L3MBTL4: variants seen among roughly 807,000 people sequenced by gnomAD.
The protein encoded by L3MBTL4 is L3MBTL histone methyl-lysine binding protein 4, also known as lethal(3)malignant brain tumor-like protein 4.
L3MBTL4 carries 70 observed loss-of-function variants against 84.5 expected under a neutral mutation model. The ratio of observed to expected loss-of-function variants is 0.83; its 90% CI spans 0.68 to 1.01. The LOEUF is 1.01. Among genes scored for constraint, L3MBTL4 ranks in the 50% least tolerant of loss-of-function variants. The pLI is 0.00. For missense variants in L3MBTL4, 715 were observed against 754.8 expected (o/e 0.95, Z 0.62); for synonymous variants, 274 against 259.8 (o/e 1.05, Z -0.52).
In L3MBTL4 at chr18:6,253,570, C is replaced by T. The variant is rs1186454089; in HGVS notation, c.220-8982G>A. Among the ~76,000 whole-genome samples, 7 of 152,304 alleles carry T rather than the reference C, an allele frequency of 4.6e-5. No individual in the cohort carries two copies. The East Asian group carries it at 1.4e-3, about 29-fold the overall frequency. ...TTTAAGGTGGTGCCCACATTTCAGGCTTGAAATAAATTGTCAAATTTTCCA... is the reference window on the plus strand; with the variant it reads ...TTTAAGGTGGTGCCCACATTTCAGGTTTGAAATAAATTGTCAAATTTTCCA... On this transcript the variant is annotated intron_variant, in intron 5 of 18. Transcript: ENST00000317931.
At chr18:6,101,692 T>C (rs2058835338) in intron 14 of L3MBTL4, among the ~76,000 whole-genome samples, 1 of 152,240 alleles carries the variant, frequency 6.6e-6, no homozygotes, top group Non-Finnish European at 1.5e-5. Flanking sequence ...GTGCTCTGAA[T>C]GGAGAGGACT....
chr18:6,232,824 T>C (rs1328974346), intron 10 of L3MBTL4, among the ~76,000 whole-genome samples: 1 of 152,158 alleles, frequency 6.6e-6, no homozygotes, highest in Non-Finnish European at 1.5e-5. Flanking sequence ...CCATACTCAG[T>C]AATCTAGTAA....
chr18:6,361,561 G>A (rs1307060007), intron 1 of L3MBTL4, among the ~76,000 whole-genome samples: 2 of 152,072 alleles, frequency 1.3e-5, no homozygotes, highest in Non-Finnish European at 2.9e-5. Context: ...AGGCTAGATT[G>A]TAACACACAG....
At chr18:6,187,097 G>A (rs1013154234) in intron 12 of L3MBTL4, among the ~76,000 whole-genome samples, 1 of 152,144 alleles carries the variant, frequency 6.6e-6, no homozygotes, top group Admixed American at 6.5e-5. Context: ...GATGATATGG[G>A]TAAAAACAGA....
chr18:6,357,506 G>A (rs1187191312), intron 1 of L3MBTL4, among the ~76,000 whole-genome samples: 1 of 152,042 alleles, frequency 6.6e-6, no homozygotes, highest in East Asian at 1.9e-4. Flanking sequence ...ATTCTATGTA[G>A]TAAATGTTTG....
chr18:6,209,402 C>T (rs2046004871), intron 12 of L3MBTL4, among the ~76,000 whole-genome samples: 1 of 147,612 alleles, frequency 6.8e-6, no homozygotes, highest in South Asian at 2.1e-4. Context: ...AATGATAATC[C>T]TGATTTCTTT....
At chr18:6,043,276 C>T (rs1431800582) in intron 16 of L3MBTL4, among the ~76,000 whole-genome samples, 5 of 152,218 alleles carry the variant, frequency 3.3e-5, no homozygotes, top group Admixed American at 2.6e-4. Flanking sequence ...GTGGATGCCT[C>T]ACCACTGTAT....
intron 3 of L3MBTL4, among the ~76,000 whole-genome samples, chr18:6,303,176 A>T (rs1033545176): frequency 6.6e-6 from 1 of 151,922 alleles, no homozygotes; most frequent in African/African-American, 2.4e-5. Context: ...CCCAGGCTGT[A>T]GTTCAGTGGC....
chr18:6,128,849 A>T (rs1424228715), intron 14 of L3MBTL4, among the ~76,000 whole-genome samples: 1 of 152,110 alleles, frequency 6.6e-6, no homozygotes, highest in African/African-American at 2.4e-5. Flanking sequence ...GTCTGGAGAG[A>T]AAGCAGTTCA....
chr18:6,167,105 C>T (rs2043706557), intron 13 of L3MBTL4, among the ~76,000 whole-genome samples: 1 of 152,190 alleles, frequency 6.6e-6, no homozygotes, highest in Non-Finnish European at 1.5e-5. Context: ...TGTACACATA[C>T]ACCCTCCCAA....
chr18:5,969,848 C>T (rs1300804602), intron 16 of L3MBTL4, among the ~76,000 whole-genome samples: 1 of 152,184 alleles, frequency 6.6e-6, no homozygotes, highest in African/African-American at 2.4e-5. Context: ...CAATGAAGGG[C>T]TCGCTTGTCA....
intron 16 of L3MBTL4, among the ~76,000 whole-genome samples, chr18:6,047,376 G>A (rs1047105285): frequency 3.3e-5 from 5 of 152,130 alleles, no homozygotes; most frequent in African/African-American, 1.2e-4. Context: ...GAGGAGGAGA[G>A]ACTGACTCCT....
At chr18:6,220,410 A>G (rs1477404736) in intron 10 of L3MBTL4, among the ~76,000 whole-genome samples, 1 of 151,994 alleles carries the variant, frequency 6.6e-6, no homozygotes, top group African/African-American at 2.4e-5. Context: ...TTGTTCCTTT[A>G]CCTGGAGAGT....
intron 3 of L3MBTL4, among the ~76,000 whole-genome samples, chr18:6,308,209 C>A (rs675060): frequency 0.065 from 9,863 of 152,236 alleles, 463 homozygotes; most frequent in Non-Finnish European, 0.099. Context: ...GAAAAACCCT[C>A]TTCAAGTCTG....
At chr18:6,343,150 C>T (rs185376374) in intron 1 of L3MBTL4, among the ~76,000 whole-genome samples, 2 of 152,274 alleles carry the variant, frequency 1.3e-5, no homozygotes, top group African/African-American at 2.4e-5. Context: ...TAATAGGGAA[C>T]TTTGATACCT....
chr18:6,295,019 AT>A (rs1188520383), intron 4 of L3MBTL4, among the ~76,000 whole-genome samples: 3 of 152,088 alleles, frequency 2.0e-5, no homozygotes, highest in Non-Finnish European at 4.4e-5. Context: ...CACGCTTGTA[AT>A]CCCAGCATTT....
At chr18:6,203,297 T>C (rs539732869) in intron 12 of L3MBTL4, among the ~76,000 whole-genome samples, 1 of 152,318 alleles carries the variant, frequency 6.6e-6, no homozygotes, top group South Asian at 2.1e-4. Flanking sequence ...TGAGGTAGGA[T>C]AGCCGACTCC....
At chr18:6,234,551 T>C (rs1025980594) in intron 10 of L3MBTL4, among the ~76,000 whole-genome samples, 3 of 151,718 alleles carry the variant, frequency 2.0e-5, no homozygotes, top group Non-Finnish European at 4.4e-5. Flanking sequence ...ATGCAGCCAA[T>C]GGACACACAA....
At chr18:6,394,297 G>A (rs2055182639) in intron 1 of L3MBTL4, among the ~76,000 whole-genome samples, 1 of 151,930 alleles carries the variant, frequency 6.6e-6, no homozygotes, top group Admixed American at 6.6e-5. Context: ...ATGAAACCCA[G>A]TCTCTATTAA....
Sources: gnomAD v4.1 joint callset for allele counts (sites outside exome capture counted in the v4.1 genomes callset) on GRCh38, gnomAD v4.1.1 for gene constraint, MANE v1.5 for transcripts, NCBI Gene and HGNC (gene_info 2026-07-23, HGNC 2026-07-21) for gene names.